Variants in C12orf42 observed in about 807,000 individuals in gnomAD.
C12orf42 encodes chromosome 12 open reading frame 42, also known as uncharacterized protein C12orf42.
Under a neutral mutation model 21.6 loss-of-function variants are expected in C12orf42, and 25 were observed. The ratio of observed to expected loss-of-function variants is 1.16; its 90% CI spans 0.84 to 1.62. The LOEUF (loss-of-function observed/expected upper bound fraction) is 1.62. C12orf42 is among the 40% of genes most tolerant of loss of function. The pLI, the probability that C12orf42 is intolerant of heterozygous loss-of-function variation, is 0.00. For missense variants in C12orf42, 483 were observed against 459.3 expected (o/e 1.05, Z -0.47); for synonymous variants, 174 against 175.0 (o/e 0.99, Z 0.05).
At chr12:103,196,773 AT>A in the C12orf42 span, among the ~76,000 whole-genome samples, 3 of 151,574 alleles carry the variant, frequency 2.0e-5, no homozygotes, top group Non-Finnish European at 4.4e-5. Flanking sequence ...TGCTTGATAG[AT>A]TTTTTCCATT....
At chr12:103,502,193 T>G in the C12orf42 span, among the ~76,000 whole-genome samples, 3 of 152,296 alleles carry the variant, frequency 2.0e-5, no homozygotes, top group East Asian at 5.8e-4. Flanking sequence ...CCCAGTCTTC[T>G]TCCTGAAACA....
intron 2 of C12orf42, among the ~76,000 whole-genome samples, chr12:103,410,767 C>T (rs1008184445): frequency 6.6e-6 from 1 of 152,178 alleles, no homozygotes; most frequent in Non-Finnish European, 1.5e-5. Context: ...TCACCTTTGT[C>T]CTTTCAGATT....
chr12:103,464,421 T>TC (rs149141622), intron 2 of C12orf42, among the ~76,000 whole-genome samples: 1 of 151,632 alleles, frequency 6.6e-6, no homozygotes, highest in African/African-American at 2.4e-5. Context: ...ATGGGGTTTT[T>TC]TTTTTTCTTG....
intron 2 of C12orf42, among the ~76,000 whole-genome samples, chr12:103,410,871 G>A (rs1027042479): frequency 3.9e-5 from 6 of 152,062 alleles, no homozygotes; most frequent in South Asian, 2.1e-4. Context: ...AGAAATCAAC[G>A]GTTACTGAGC....
intron 2 of C12orf42, among the ~76,000 whole-genome samples, chr12:103,455,481 G>A (rs1282246618): frequency 6.6e-6 from 1 of 151,956 alleles, no homozygotes; most frequent in African/African-American, 2.4e-5. Flanking sequence ...TGATCTCTTA[G>A]GTTTGTTTTG....
the C12orf42 span, among the ~76,000 whole-genome samples, chr12:103,213,272 A>G: frequency 6.6e-6 from 1 of 152,214 alleles, no homozygotes; most frequent in Admixed American, 6.5e-5. Flanking sequence ...AACTGATGCC[A>G]GGAGAATGAC....
At chr12:103,514,602 C>T in the C12orf42 span, among the ~76,000 whole-genome samples, 15 of 152,220 alleles carry the variant, frequency 9.9e-5, no homozygotes, top group East Asian at 2.7e-3. Context: ...AAAGTGGCAC[C>T]ACTGGAGGCT....
chr12:103,524,182 T>C, the C12orf42 span, among the ~76,000 whole-genome samples: 6 of 152,210 alleles, frequency 3.9e-5, no homozygotes, highest in Admixed American at 3.9e-4. Flanking sequence ...TCTTGCTCTT[T>C]TATCACCTGT....
chr12:103,166,349 T>C, the C12orf42 span, among the ~76,000 whole-genome samples: 1 of 152,224 alleles, frequency 6.6e-6, no homozygotes, highest in Admixed American at 6.5e-5. Flanking sequence ...TAAAAAAAGT[T>C]AGCTATTATT....
the C12orf42 span, among the ~76,000 whole-genome samples, chr12:103,539,696 C>A: frequency 6.6e-6 from 1 of 151,976 alleles, no homozygotes; most frequent in Admixed American, 6.6e-5. Flanking sequence ...TCTCCTGCCT[C>A]AGCCTCCTGA....
At chr12:103,070,703 G>A in the C12orf42 span, among the ~76,000 whole-genome samples, 1 of 152,082 alleles carries the variant, frequency 6.6e-6, no homozygotes, top group Non-Finnish European at 1.5e-5. Context: ...AATGCAGGTA[G>A]GGAAGAGAAG....
At chr12:103,174,465 G>A in the C12orf42 span, among the ~76,000 whole-genome samples, 2 of 152,250 alleles carry the variant, frequency 1.3e-5, no homozygotes, top group African/African-American at 2.4e-5. Context: ...GTAGATACTA[G>A]CATCAGCATT....
At chr12:103,450,183 T>G (rs1359360577) in intron 2 of C12orf42, among the ~76,000 whole-genome samples, 5 of 152,132 alleles carry the variant, frequency 3.3e-5, no homozygotes. Flanking sequence ...TTCATGTTAA[T>G]CTGCCCTTGC....
chr12:103,079,646 T>C, the C12orf42 span, among the ~76,000 whole-genome samples: 64 of 152,348 alleles, frequency 4.2e-4, no homozygotes, highest in African/African-American at 1.4e-3. Flanking sequence ...TCTGTGGCTT[T>C]AAACAATCAC....
At chr12:103,305,909 G>C (rs1485324787) in intron 5 of C12orf42, 65 bp downstream of exon 5, 2 of 1,520,538 alleles carry the variant, frequency 1.3e-6, no homozygotes, top group East Asian at 4.5e-5. Flanking sequence ...TGTTTATACT[G>C]AAGTTAAAAA....
the C12orf42 span, among the ~76,000 whole-genome samples, chr12:103,153,297 G>T: frequency 6.6e-6 from 1 of 151,952 alleles, no homozygotes; most frequent in Non-Finnish European, 1.5e-5. Flanking sequence ...GACACACAAG[G>T]CACATCTCTA....
chr12:103,417,730 C>T (rs902494575), intron 2 of C12orf42, among the ~76,000 whole-genome samples: 1 of 152,132 alleles, frequency 6.6e-6, no homozygotes, highest in African/African-American at 2.4e-5. Context: ...TAGACGTTTG[C>T]ACAAGATTTG....
chr12:103,533,044 GA>G, the C12orf42 span, among the ~76,000 whole-genome samples: 3 of 152,170 alleles, frequency 2.0e-5, no homozygotes, highest in Non-Finnish European at 4.4e-5. Context: ...ATTCCTTTCA[GA>G]CTCATTCCAC....
rs3063670 is a variant in C12orf42 at position 103,250,056 on chromosome 12, CATCTATCTATCT to C, written c.*1367-12166_*1367-12155del. Among the ~76,000 whole-genome samples the C allele has an allele frequency of 8.5e-3, 1,263 of 148,174 alleles. 9 individuals carry two copies. The highest frequency in any genetic ancestry group is 0.025 in the African/African-American group (1,026 of 40,330). ...TTTTCCACTTTTAAGAAATCAAAGA[CATCTATCTATCT>C]ATCTATCTATCTATCTATCTATCTA... On this transcript the variant is annotated intron_variant and NMD_transcript_variant, in intron 10 of 10. Transcript: ENST00000547347.
Sources: allele counts gnomAD v4.1 joint callset (sites outside exome capture counted in the v4.1 genomes callset), GRCh38; gene constraint gnomAD v4.1.1; transcripts MANE v1.5; gene names NCBI Gene and HGNC (gene_info 2026-07-23, HGNC 2026-07-21).